The following ITPR2 variants were observed in gnomAD, a reference collection of about 807,000 sequenced individuals.
The protein encoded by ITPR2 is inositol 1,4,5-trisphosphate receptor type 2.
ITPR2 carries 207 observed loss-of-function variants against 317.1 expected under a neutral mutation model. The ratio of observed to expected loss-of-function variants is 0.65; its 90% CI spans 0.58 to 0.73. The LOEUF (loss-of-function observed/expected upper bound fraction) is 0.73. ITPR2 is among the 30% of genes least tolerant of loss of function. ITPR2 has a pLI of 0.00. For missense variants in ITPR2, 2,613 were observed against 3,284.0 expected (o/e 0.80, Z 4.99); for synonymous variants, 1,156 against 1,149.1 (o/e 1.01, Z -0.12).
chr12:26,450,587 C>T (rs911649625), intron 45 of ITPR2, among the ~76,000 whole-genome samples: 2 of 152,138 alleles, frequency 1.3e-5, no homozygotes, highest in Non-Finnish European at 2.9e-5. Context: ...TGGTCTCAGC[C>T]AGAAAATACT....
At chr12:26,451,168 A>G (rs11048527) in intron 45 of ITPR2, among the ~76,000 whole-genome samples, 134,184 of 152,112 alleles carry the variant, frequency 0.88, 59,269 homozygotes, top group Non-Finnish European at 0.9. Context: ...AGAAAGCACA[A>G]CCAAGAGGAA....
intron 42 of ITPR2, among the ~76,000 whole-genome samples, 181 bp downstream of exon 42, chr12:26,483,517 A>G (rs1185265424): frequency 6.6e-6 from 1 of 152,238 alleles, no homozygotes; most frequent in Non-Finnish European, 1.5e-5. Context: ...TGTTTTTACA[A>G]TGAAATTATC....
intron 48 of ITPR2, 84 bp from the exon 49 acceptor site, chr12:26,428,172 T>C: frequency 1.0e-6 from 1 of 990,266 alleles, no homozygotes; most frequent in Non-Finnish European, 1.4e-6. Context: ...TTATATGGTA[T>C]CATTAAGTCA....
intron 37 of ITPR2, among the ~76,000 whole-genome samples, chr12:26,536,045 A>G (rs1345338595): frequency 6.6e-6 from 1 of 152,242 alleles, no homozygotes; most frequent in Non-Finnish European, 1.5e-5. Flanking sequence ...AAGAAAGAAT[A>G]TCCTCAGTCA....
intron 1 of ITPR2, among the ~76,000 whole-genome samples, chr12:26,808,905 G>A (rs1159592171): frequency 2.6e-5 from 4 of 152,144 alleles, no homozygotes; most frequent in African/African-American, 4.8e-5. Context: ...TTTACAATAC[G>A]TTATGAGGTT....
chr12:26,684,319 TA>T (rs1948087688), intron 11 of ITPR2, among the ~76,000 whole-genome samples: 2 of 152,146 alleles, frequency 1.3e-5, no homozygotes, highest in South Asian at 4.2e-4. Flanking sequence ...TCAAAAAGAG[TA>T]AAGCCTGCAC....
Position 26,832,751 on chromosome 12 carries a change from T to C in ITPR2, c.31A>G (p.Ile11Val), listed in dbSNP as rs758241063. 24 of 1,603,088 alleles carry C rather than the reference T, an allele frequency of 1.5e-5. No homozygotes were observed. Among genetic ancestry groups the C allele is most frequent in the Non-Finnish European group, 1.9e-5 (22 of 1,175,478 alleles). MTEKMSSFLY[I>V]GDIVSLYAEG... ...GCGTACAGGGACACGATGTCCCCTA[T>C]GTAGAGGAAGCTGGACATTTTCTCA... The change falls in exon 1 of 57, where the codon ATA becomes GTA. Residue 11 changes from isoleucine to valine, a missense_variant. By Grantham distance (29) the Ile-to-Val change is conservative. This residue lies in a region of ITPR2 where 515 missense variants were observed against 789.4 expected (regional missense o/e 0.65). Coordinates refer to ENST00000381340, the MANE Select transcript of ITPR2 (RefSeq NM_002223.4).
chr12:26,355,967 C>T (rs537260240), intron 55 of ITPR2, among the ~76,000 whole-genome samples: 8 of 152,196 alleles, frequency 5.3e-5, no homozygotes, highest in Non-Finnish European at 1.0e-4. Flanking sequence ...CCTAAACATT[C>T]TTCACTAGAT....
intron 45 of ITPR2, among the ~76,000 whole-genome samples, chr12:26,463,207 G>C (rs930546902): frequency 1.6e-4 from 24 of 152,126 alleles, no homozygotes; most frequent in African/African-American, 5.8e-4. Context: ...TTATAAATGA[G>C]TAACAGTACA....
chr12:26,344,811 T>C (rs147961091), intron 55 of ITPR2, among the ~76,000 whole-genome samples: 10 of 152,156 alleles, frequency 6.6e-5, no homozygotes, highest in African/African-American at 2.4e-4. Context: ...AGAGTAAGAC[T>C]TCAAACAAAG....
chr12:26,394,956 G>C (rs1418644363), intron 54 of ITPR2, among the ~76,000 whole-genome samples: 1 of 152,120 alleles, frequency 6.6e-6, no homozygotes, highest in Non-Finnish European at 1.5e-5. Context: ...TAGCAATATG[G>C]ATGTCAGGAA....
intron 9 of ITPR2, among the ~76,000 whole-genome samples, chr12:26,706,116 A>T (rs1310905826): frequency 1.3e-5 from 2 of 152,036 alleles, no homozygotes; most frequent in Non-Finnish European, 2.9e-5. Flanking sequence ...GCCCACCACA[A>T]CTGTCTCTTT....
chr12:26,667,190 T>C (rs186506676), intron 13 of ITPR2, among the ~76,000 whole-genome samples: 6 of 152,344 alleles, frequency 3.9e-5, no homozygotes, highest in South Asian at 4.1e-4. Context: ...CAGGAAAGTA[T>C]AGAATGTATT....
intron 55 of ITPR2, among the ~76,000 whole-genome samples, chr12:26,353,128 T>C (rs539902407): frequency 6.6e-6 from 1 of 152,340 alleles, no homozygotes; most frequent in East Asian, 1.9e-4. Context: ...GGTCTCCTAA[T>C]ACAACAAAGA....
intron 13 of ITPR2, among the ~76,000 whole-genome samples, chr12:26,671,804 T>C (rs933615740): frequency 6.6e-6 from 1 of 152,162 alleles, no homozygotes; most frequent in Non-Finnish European, 1.5e-5. Context: ...TCAGGCAACC[T>C]ATCTCACGTG....
chr12:26,579,258 G>C (rs1239834206), intron 33 of ITPR2, among the ~76,000 whole-genome samples: 1 of 152,078 alleles, frequency 6.6e-6, no homozygotes, highest in African/African-American at 2.4e-5. Context: ...CTATCTAATA[G>C]TTTAAAATTT....
At chr12:26,426,868 ATAT>A (rs1941076803) in intron 49 of ITPR2, among the ~76,000 whole-genome samples, 1 of 150,694 alleles carries the variant, frequency 6.6e-6, no homozygotes, top group Non-Finnish European at 1.5e-5. Context: ...TATTTGTTAA[ATAT>A]TAGTTATTAT....
At chr12:26,373,958 A>T (rs1329928062) in intron 55 of ITPR2, among the ~76,000 whole-genome samples, 1 of 152,216 alleles carries the variant, frequency 6.6e-6, no homozygotes, top group Non-Finnish European at 1.5e-5. Flanking sequence ...GGGTAAGGAT[A>T]GAAGTAAACT....
At chr12:26,597,279 G>T in intron 30 of ITPR2, 145 bp from the exon 31 acceptor site, 2 of 951,484 alleles carry the variant, frequency 2.1e-6, no homozygotes, top group Non-Finnish European at 3.2e-6. Context: ...GCTTGGGGAG[G>T]GTGGTGACAA....
Sources: gnomAD v4.1 joint callset for allele counts (sites outside exome capture counted in the v4.1 genomes callset) on GRCh38, gnomAD v4.1.1 for gene constraint, gnomAD v4.1.1 regional missense constraint, MANE v1.5 for transcripts, NCBI Gene and HGNC (gene_info 2026-07-23, HGNC 2026-07-21) for gene names.